The following ME3 variants were observed in gnomAD, a reference collection of about 807,000 sequenced individuals.
The protein encoded by ME3 is malic enzyme 3, also known as NADP-dependent malic enzyme, mitochondrial.
ME3 carries 48 observed loss-of-function variants against 68.9 expected under a neutral mutation model. That is an observed-to-expected ratio of 0.70 (90% CI 0.55 to 0.89). The LOEUF (loss-of-function observed/expected upper bound fraction) is 0.89. Among genes scored for constraint, ME3 ranks in the 40% least tolerant of loss-of-function variants. The pLI is 0.00. For synonymous variants in ME3, 320 were observed against 318.8 expected (o/e 1.00, Z -0.04); for missense variants, 675 against 797.4 (o/e 0.85, Z 1.85).
chr11:86,671,830 C>A, exon 2 of ME3: 1 of 1,600,080 alleles, frequency 6.2e-7, no homozygotes, highest in Non-Finnish European at 8.5e-7. Flanking sequence ...CGCGCCGGGC[C>A]AGGCTTGGAG....
chr11:86,511,082 A>C (rs569408166), intron 4 of ME3, among the ~76,000 whole-genome samples: 1 of 152,316 alleles, frequency 6.6e-6, no homozygotes, highest in South Asian at 2.1e-4. Context: ...TCCTGGTTCA[A>C]ACACTTCTTT....
chr11:86,562,828 C>G (rs571073555), intron 2 of ME3, among the ~76,000 whole-genome samples: 1 of 151,848 alleles, frequency 6.6e-6, no homozygotes, highest in South Asian at 2.1e-4. Flanking sequence ...CCTCCTTCCT[C>G]CCCCATCTAG....
At chr11:86,516,946 G>C (rs677301) in intron 4 of ME3, among the ~76,000 whole-genome samples, 112,384 of 151,944 alleles carry the variant, frequency 0.74, 41,943 homozygotes, top group African/African-American at 0.8. Context: ...GGGTTAAGTA[G>C]GCAGAGAGGG....
At chr11:86,518,319 A>T (rs892052013) in intron 4 of ME3, among the ~76,000 whole-genome samples, 2 of 152,206 alleles carry the variant, frequency 1.3e-5, no homozygotes, top group East Asian at 3.9e-4. Context: ...ATACCAGGTG[A>T]GAAAATGCCC....
At position 86,481,335 on chromosome 11, in the gene ME3, G is replaced by C. The variant is rs1280980380; in HGVS notation, c.809+6002C>G. 4.0e-5 allele frequency among the ~76,000 whole-genome samples: 6 copies of C among 151,478 alleles called. No individual in the cohort carries two copies. In the South Asian group the frequency reaches 8.4e-4, roughly 21 times the overall value. On this transcript the variant is annotated intron_variant, in intron 7 of 14. Coordinates refer to ENST00000543262, the Ensembl canonical transcript of ME3. ...CCGAAAATGCTGAGATGACAGGTGTGAGCCACTGTGCTCAGCCGAAGAGTT... is the reference window on the plus strand; with the variant it reads ...CCGAAAATGCTGAGATGACAGGTGTCAGCCACTGTGCTCAGCCGAAGAGTT...
Position 86,663,087 on chromosome 11 carries a change from A to G in ME3, c.183+8675T>C, listed in dbSNP as rs982683375. Among the ~76,000 whole-genome samples, 8 of 152,230 alleles carry G rather than the reference A, an allele frequency of 5.3e-5. 1 individual carries two copies. The South Asian group carries it at 1.2e-3, about 24-fold the overall frequency. On this transcript the variant is annotated intron_variant, in intron 2 of 14. Transcript: ENST00000543262. ...TACAGAGGAAGATGTTTCATGACCAATTAAGTAATGGGCTTCATGTAGCTC... is the reference window on the plus strand; with the variant it reads ...TACAGAGGAAGATGTTTCATGACCAGTTAAGTAATGGGCTTCATGTAGCTC...
intron 2 of ME3, among the ~76,000 whole-genome samples, chr11:86,644,912 G>C (rs1214203986): frequency 2.0e-5 from 3 of 152,174 alleles, no homozygotes; most frequent in Admixed American, 6.5e-5. Flanking sequence ...CATAGAGGGT[G>C]AACAGAAGCA....
chr11:86,616,189 T>C (rs992879258), intron 2 of ME3, among the ~76,000 whole-genome samples: 2 of 152,260 alleles, frequency 1.3e-5, no homozygotes, highest in Non-Finnish European at 1.5e-5. Context: ...GGATATGCCA[T>C]AATTTACTTA....
At chr11:86,481,323 G>A (rs55797445) in intron 7 of ME3, among the ~76,000 whole-genome samples, 1 of 150,856 alleles carries the variant, frequency 6.6e-6, no homozygotes, top group South Asian at 2.1e-4. Flanking sequence ...AAAATGCTGA[G>A]ATGACAGGTG....
chr11:86,564,004 G>T (rs1957360035), intron 2 of ME3, among the ~76,000 whole-genome samples: 1 of 152,136 alleles, frequency 6.6e-6, no homozygotes, highest in African/African-American at 2.4e-5. Context: ...TAGCTTAATA[G>T]GAATAGCATT....
intron 4 of ME3, among the ~76,000 whole-genome samples, chr11:86,536,120 G>T (rs1955638673): frequency 6.6e-6 from 1 of 152,176 alleles, no homozygotes; most frequent in African/African-American, 2.4e-5. Context: ...ATTTCCTTGT[G>T]TGGAAGGGGG....
At chr11:86,440,382 G>A (rs1948934270), downstream of ME3, among the ~76,000 whole-genome samples, 1 of 152,160 alleles carries the variant, frequency 6.6e-6, no homozygotes, top group African/African-American at 2.4e-5. Flanking sequence ...AGGATGGACT[G>A]ATATTACTCA....
chr11:86,547,473 C>T (rs1282598190), intron 4 of ME3, among the ~76,000 whole-genome samples: 1 of 150,412 alleles, frequency 6.6e-6, no homozygotes, highest in Non-Finnish European at 1.5e-5. Context: ...CACACTGGGG[C>T]CTGTCGGGCG....
intron 2 of ME3, among the ~76,000 whole-genome samples, chr11:86,644,904 T>C (rs1035823468): frequency 6.6e-6 from 1 of 151,986 alleles, no homozygotes; most frequent in African/African-American, 2.4e-5. Flanking sequence ...GTGCAGCCCA[T>C]AGAGGGTGAA....
chr11:86,668,750 T>A (rs1371149734), intron 2 of ME3, among the ~76,000 whole-genome samples: 1 of 152,216 alleles, frequency 6.6e-6, no homozygotes, highest in Non-Finnish European at 1.5e-5. Flanking sequence ...CCACCCTCTG[T>A]CATACAGCTG....
At chr11:86,607,083 A>G (rs1961773017) in intron 2 of ME3, among the ~76,000 whole-genome samples, 1 of 152,202 alleles carries the variant, frequency 6.6e-6, no homozygotes, top group African/African-American at 2.4e-5. Context: ...TGATCTGGAT[A>G]GAGGTACAGG....
intron 7 of ME3, among the ~76,000 whole-genome samples, chr11:86,475,874 T>TATATATATATATATAGAG: frequency 9.8e-5 from 9 of 91,468 alleles, no homozygotes; most frequent in African/African-American, 2.0e-4. Flanking sequence ...TATATATATA[T>TATATATATATATATAGAG]AGAGAGAGAG....
intron 2 of ME3, among the ~76,000 whole-genome samples, chr11:86,646,953 G>C (rs921314779): frequency 5.9e-5 from 9 of 152,126 alleles, no homozygotes; most frequent in Non-Finnish European, 4.4e-5. Flanking sequence ...AGCCAACCAA[G>C]CTTCATAAGT....
intron 2 of ME3, among the ~76,000 whole-genome samples, chr11:86,605,434 C>A (rs967153366): frequency 2.7e-5 from 4 of 150,656 alleles, no homozygotes; most frequent in Non-Finnish European, 5.9e-5. Context: ...TTAGAGGTGT[C>A]ATATTGAAAA....
Sources: allele counts gnomAD v4.1 joint callset (sites outside exome capture counted in the v4.1 genomes callset), GRCh38; gene constraint gnomAD v4.1.1; transcripts MANE v1.5; gene names NCBI Gene and HGNC (gene_info 2026-07-23, HGNC 2026-07-21).